Variants in RAB18 observed in about 807,000 individuals in gnomAD.
RAB18 encodes the protein ras-related protein Rab-18.
Under a neutral mutation model 28.5 loss-of-function variants are expected in RAB18, and 10 were observed. The observed-to-expected ratio is 0.35, with a 90% CI of 0.22 to 0.60. The LOEUF (loss-of-function observed/expected upper bound fraction) is 0.60. RAB18 is among the 20% of genes least tolerant of loss of function. The pLI is 0.78. For synonymous variants in RAB18, 93 were observed against 86.9 expected (o/e 1.07, Z -0.39); for missense variants, 188 against 244.2 (o/e 0.77, Z 1.53).
chr10:27,529,609 TTATC>T lies in RAB18; in HGVS notation c.186+2724_186+2727del, dbSNP rs1389190007. ...TTCTAGATCTTTCCTAGCCCTGAGT[TTATC>T]TATATATCTTTCAGTAATTTCTTCT... is the stretch of plus-strand genomic sequence containing the variant. On this transcript the variant is annotated intron_variant, in intron 3 of 6. Transcript: ENST00000356940. Among the ~76,000 whole-genome samples the T allele has an allele frequency of 2.6e-5, 4 of 151,962 alleles. No individual in the cohort carries two copies. The East Asian group carries it at 7.7e-4, about 29-fold the overall frequency.
chr10:27,504,478 C>T lies in RAB18; in HGVS notation c.68+41C>T, dbSNP rs73604011. On this transcript the variant is annotated intron_variant, in intron 1 of 6. Transcript: ENST00000356940. ...GGGTCGTGACGAGGGTGGCTGGGCT[C>T]TTTCTGCCCCGGTGGCTGCTGTCTC... is the stretch of plus-strand genomic sequence containing the variant. The T allele has an allele frequency of 5.4e-4, 831 of 1,547,170 alleles. 6 individuals are homozygous for T. The African/African-American group carries it at 0.011, about 20-fold the overall frequency.
At chr10:27,515,192 T>C (rs1451362923) in intron 2 of RAB18, among the ~76,000 whole-genome samples, 2 of 152,208 alleles carry the variant, frequency 1.3e-5, no homozygotes, top group Admixed American at 6.5e-5. Context: ...TAGGTACTTA[T>C]CTAAGTAATT....
At chr10:27,531,623 A>G (rs1414697754) in intron 3 of RAB18, 1 of 798,750 alleles carries the variant, frequency 1.3e-6, no homozygotes, top group Non-Finnish European at 2.2e-6. Flanking sequence ...TACGTAAGCA[A>G]ATAGGCCTGC....
In RAB18 at chr10:27,538,886, T is replaced by C; in HGVS notation, c.*835T>C. 2.2e-6 allele frequency: 1 copy of C among 454,054 alleles called. No homozygotes were observed. The highest frequency in any genetic ancestry group is 4.4e-6 in the Non-Finnish European group (1 of 226,744). 28.1% of individuals were successfully genotyped at this position (454,054 alleles called of 1,614,324 possible). A position where few individuals can be genotyped will look rare whatever the true frequency, so the allele number is the denominator to read the frequency against. On this transcript the variant is annotated 3_prime_UTR_variant, in exon 7 of 7. Coordinates refer to ENST00000356940, the MANE Select transcript of RAB18 (RefSeq NM_021252.5). ...TTTTTTCATAAATGTTGGTAGTGTT[T>C]GTCCAGGTACCTTAACTGTAGCTTG...
At chr10:27,535,074 A>G (rs1834866052) in intron 6 of RAB18, among the ~76,000 whole-genome samples, 1 of 152,186 alleles carries the variant, frequency 6.6e-6, no homozygotes, top group Non-Finnish European at 1.5e-5. Context: ...ATAAGGGGAG[A>G]GAGAATGACT....
At chr10:27,534,495 C>T (rs1589589478) in intron 6 of RAB18, among the ~76,000 whole-genome samples, 1 of 152,366 alleles carries the variant, frequency 6.6e-6, no homozygotes, top group East Asian at 1.9e-4. Context: ...TGGTACACAG[C>T]CATGTCCATG....
chr10:27,540,756 G>T lies in RAB18; in HGVS notation c.*2705G>T, dbSNP rs1443590210. 2.2e-6 allele frequency: 1 copy of T among 454,058 alleles called. No individual in the cohort carries two copies. The highest frequency in any genetic ancestry group is 1.6e-5 in the South Asian group (1 of 64,468). The allele number at this position is 454,058 out of a possible 1,614,324, so 28.1% of individuals were successfully genotyped here. ...ATCTGGGGTGATGTTTTCATTTCAT[G>T]TATTTGATTGCCATCCATAAACTCA... is the stretch of plus-strand genomic sequence containing the variant. On this transcript the variant is annotated 3_prime_UTR_variant, in exon 7 of 7. Transcript: ENST00000356940.
chr10:27,524,734 A>G (rs1354565433), intron 2 of RAB18, among the ~76,000 whole-genome samples: 1 of 152,230 alleles, frequency 6.6e-6, no homozygotes, highest in African/African-American at 2.4e-5. Context: ...AATCTCTCAA[A>G]AAGACTCCCA....
At chr10:27,523,598 T>C (rs1315224977) in intron 2 of RAB18, among the ~76,000 whole-genome samples, 2 of 151,486 alleles carry the variant, frequency 1.3e-5, no homozygotes, top group African/African-American at 2.4e-5. Context: ...ATCTCAGACA[T>C]TGCCATTTTT....
In RAB18 at chr10:27,539,701, G is replaced by A. The variant is rs776925740; in HGVS notation, c.*1650G>A. The A allele has an allele frequency of 6.6e-6, 3 of 452,852 alleles. No individual in the cohort carries two copies. The highest frequency in any genetic ancestry group is 4.7e-5 in the South Asian group (3 of 64,112). 28.1% of individuals were successfully genotyped at this position (452,852 alleles called of 1,614,324 possible). ...TATATAATAATCTGTGTATTGGATT[G>A]TTGTCTTGATTTGGTCTAAATTTGA... On this transcript the variant is annotated 3_prime_UTR_variant, in exon 7 of 7. Coordinates refer to ENST00000356940, the MANE Select transcript of RAB18 (RefSeq NM_021252.5).
In RAB18 at chr10:27,539,010, C is replaced by G; in HGVS notation, c.*959C>G. 2 of 429,784 alleles carry G rather than the reference C, an allele frequency of 4.7e-6. No homozygotes were observed. The highest frequency in any genetic ancestry group is 3.3e-5 in the South Asian group (2 of 61,158). 26.6% of individuals were successfully genotyped at this position (429,784 alleles called of 1,614,324 possible). A position where few individuals can be genotyped will look rare whatever the true frequency, so the allele number is the denominator to read the frequency against. ...TTTTGAGGGGTGGGGAAAAAAAACA[C>G]TAAGTGATAATTTGAAAAAGGCATA... On this transcript the variant is annotated 3_prime_UTR_variant, in exon 7 of 7. Transcript: ENST00000356940.
chr10:27,512,405 A>G (rs1452522657), intron 2 of RAB18, among the ~76,000 whole-genome samples: 1 of 151,958 alleles, frequency 6.6e-6, no homozygotes, highest in Non-Finnish European at 1.5e-5. Context: ...CTCCCCATTC[A>G]AGTGATTCTG....
intron 3 of RAB18, among the ~76,000 whole-genome samples, chr10:27,531,246 G>C (rs1204886757): frequency 1.3e-5 from 2 of 152,016 alleles, no homozygotes; most frequent in Non-Finnish European, 2.9e-5. Flanking sequence ...ATCTGTGGAA[G>C]AGTGGTGAAT....
At position 27,538,501 on chromosome 10, in the gene RAB18, G is replaced by A; in HGVS notation, c.*450G>A. 2.2e-6 allele frequency: 1 copy of A among 454,604 alleles called. No individual in the cohort carries two copies. The highest frequency in any genetic ancestry group is 1.6e-5 in the South Asian group (1 of 64,472). The allele number at this position is 454,604 out of a possible 1,614,324, so 28.2% of individuals were successfully genotyped here. A position where few individuals can be genotyped will look rare whatever the true frequency, so the allele number is the denominator to read the frequency against. On this transcript the variant is annotated 3_prime_UTR_variant, in exon 7 of 7. Transcript: ENST00000356940. Reference sequence around the variant, plus strand: ...AATTTTCTTTCAGGAATAATAAAGAGCATGATTCCACAGCTTTTCTGGGAT... The same window carrying A: ...AATTTTCTTTCAGGAATAATAAAGAACATGATTCCACAGCTTTTCTGGGAT...
At chr10:27,520,740 A>G (rs1295135218) in intron 2 of RAB18, among the ~76,000 whole-genome samples, 1 of 151,824 alleles carries the variant, frequency 6.6e-6, no homozygotes, top group Admixed American at 6.6e-5. Context: ...AACATGGTGA[A>G]ACCCCGTCTC....
At chr10:27,521,807 A>T (rs1834559633) in intron 2 of RAB18, among the ~76,000 whole-genome samples, 1 of 152,038 alleles carries the variant, frequency 6.6e-6, no homozygotes, top group South Asian at 2.1e-4. Flanking sequence ...GAACTTATCC[A>T]TGTAACCACA....
intron 2 of RAB18, among the ~76,000 whole-genome samples, chr10:27,513,015 C>CATATATATATATATAT (rs764170485): frequency 7.2e-6 from 1 of 138,132 alleles, no homozygotes; most frequent in Non-Finnish European, 1.5e-5. Flanking sequence ...TAGGTAATAA[C>CATATATATATATATAT]ATATATATAT....
At chr10:27,532,380 CCA>C in intron 3 of RAB18, 125 bp from the exon 4 acceptor site, 1 of 631,490 alleles carries the variant, frequency 1.6e-6, no homozygotes, top group Non-Finnish European at 2.7e-6. Flanking sequence ...TATTTAAGTT[CCA>C]GTTTTTTAAT....
chr10:27,526,461 G>A (rs951202833), intron 2 of RAB18, among the ~76,000 whole-genome samples: 2 of 152,118 alleles, frequency 1.3e-5, no homozygotes, highest in Non-Finnish European at 2.9e-5. Context: ...GGAGCCCCTG[G>A]AAGCTGCCAT....
Sources: allele counts gnomAD v4.1 joint callset (sites outside exome capture counted in the v4.1 genomes callset), GRCh38; gene constraint gnomAD v4.1.1; transcripts MANE v1.5; gene names NCBI Gene and HGNC (gene_info 2026-07-23, HGNC 2026-07-21).